Variants in CAST observed in about 807,000 individuals in gnomAD.
CAST encodes the protein MIR583 host.
CAST carries 76 observed loss-of-function variants against 119.6 expected under a neutral mutation model. The ratio of observed to expected loss-of-function variants is 0.64; its 90% CI spans 0.53 to 0.77. The LOEUF is 0.77. Ranked by LOEUF, CAST falls within the 30% of genes least tolerant of loss-of-function variation. CAST has a pLI of 0.00. For missense variants in CAST, 953 were observed against 946.5 expected, an observed-to-expected ratio of 1.01 and a Z score of -0.09; for synonymous variants, 319 against 331.6, an observed-to-expected ratio of 0.96 and a Z score of 0.41.
chr5:96,342,910 C>T, the CAST span, among the ~76,000 whole-genome samples: 1 of 151,986 alleles, frequency 6.6e-6, no homozygotes, highest in African/African-American at 2.4e-5. Context: ...GATTCCATTG[C>T]CATTTAAAAT....
intron 17 of CAST, among the ~76,000 whole-genome samples, chr5:96,747,125 TTAAAG>T (rs1763935299): frequency 2.0e-5 from 3 of 152,228 alleles, no homozygotes; most frequent in South Asian, 4.1e-4. Context: ...TTTTAATAAC[TTAAAG>T]TAAATGTGCA....
intron 1 of CAST, among the ~76,000 whole-genome samples, chr5:96,534,754 A>AGAG (rs1491280933): frequency 1.6e-5 from 1 of 61,602 alleles, no homozygotes; most frequent in Non-Finnish European, 3.6e-5. Context: ...AGAAAGAAAG[A>AGAG]AAGAAAGAAA....
the CAST span, among the ~76,000 whole-genome samples, chr5:96,115,732 G>A: frequency 3.5e-3 from 531 of 152,230 alleles, 2 homozygotes; most frequent in African/African-American, 4.5e-3. Context: ...CATTGTTACA[G>A]TTTTCTGGTG....
chr5:96,251,064 G>T, the CAST span, among the ~76,000 whole-genome samples: 2 of 152,146 alleles, frequency 1.3e-5, no homozygotes, highest in Non-Finnish European at 2.9e-5. Flanking sequence ...GCAAAGCTTT[G>T]TTCATCCAAC....
intron 1 of CAST, among the ~76,000 whole-genome samples, chr5:96,548,529 C>T (rs1170229458): frequency 6.6e-6 from 1 of 152,096 alleles, no homozygotes; most frequent in Non-Finnish European, 1.5e-5. Flanking sequence ...ACCCCCCGCC[C>T]CCCACCAACC....
upstream of CAST, among the ~76,000 whole-genome samples, chr5:96,521,126 CTG>C (rs889877862): frequency 6.6e-6 from 1 of 152,204 alleles, no homozygotes; most frequent in Non-Finnish European, 1.5e-5. Context: ...CTTCCATGGA[CTG>C]TGAGTTCCCT....
the CAST span, among the ~76,000 whole-genome samples, chr5:96,137,199 C>T: frequency 6.6e-5 from 10 of 152,150 alleles, no homozygotes; most frequent in Admixed American, 5.2e-4. Context: ...GCCCCCTAAC[C>T]ACTGATCTTT....
chr5:96,211,470 C>A, the CAST span, among the ~76,000 whole-genome samples: 1 of 152,014 alleles, frequency 6.6e-6, no homozygotes, highest in Non-Finnish European at 1.5e-5. Flanking sequence ...ACTAACCTTA[C>A]ATCCCTGAAA....
the CAST span, among the ~76,000 whole-genome samples, chr5:95,983,492 G>A: frequency 1.4e-3 from 208 of 152,186 alleles, 1 homozygote; most frequent in Admixed American, 2.9e-3. Flanking sequence ...TTTGGGTTAT[G>A]GGAATGTGGG....
At chr5:96,341,192 A>G in the CAST span, among the ~76,000 whole-genome samples, 2 of 152,120 alleles carry the variant, frequency 1.3e-5, no homozygotes, top group Non-Finnish European at 2.9e-5. Flanking sequence ...AGTAATGGAG[A>G]GTTGTGTCTT....
chr5:96,300,516 T>G, the CAST span, among the ~76,000 whole-genome samples: 1 of 152,296 alleles, frequency 6.6e-6, no homozygotes, highest in Admixed American at 6.5e-5. Flanking sequence ...GTAGTACAGT[T>G]TGAAATCAAG....
At chr5:96,642,882 T>C (rs1561437894) in intron 1 of CAST, among the ~76,000 whole-genome samples, 1 of 152,162 alleles carries the variant, frequency 6.6e-6, no homozygotes, top group Non-Finnish European at 1.5e-5. Context: ...TACTACAGAC[T>C]GTTTCAAAGG....
chr5:96,012,328 T>TC, the CAST span, among the ~76,000 whole-genome samples: 3 of 152,154 alleles, frequency 2.0e-5, no homozygotes, highest in African/African-American at 7.2e-5. Context: ...TTTTTTTTTT[T>TC]ACAATGGGTC....
chr5:96,093,137 A>G, the CAST span, among the ~76,000 whole-genome samples: 1 of 152,172 alleles, frequency 6.6e-6, no homozygotes, highest in African/African-American at 2.4e-5. Context: ...TTCTCAAATT[A>G]AAATAAAAAA....
At chr5:96,042,708 A>C in the CAST span, among the ~76,000 whole-genome samples, 43 of 152,288 alleles carry the variant, frequency 2.8e-4, no homozygotes, top group Non-Finnish European at 6.2e-4. Context: ...CTGTAATCTA[A>C]TAGGTGTGGA....
At chr5:96,695,434 C>A (rs969447013) in intron 2 of CAST, among the ~76,000 whole-genome samples, 5 of 152,070 alleles carry the variant, frequency 3.3e-5, no homozygotes, top group Non-Finnish European at 7.4e-5. Flanking sequence ...TTTCTCTTCT[C>A]TTATTTCCCT....
intron 3 of CAST, among the ~76,000 whole-genome samples, chr5:96,698,692 A>C (rs1158396099): frequency 6.6e-6 from 1 of 152,192 alleles, no homozygotes; most frequent in African/African-American, 2.4e-5. Flanking sequence ...GAAGCCTTTT[A>C]TTACACAGTT....
chr5:96,197,584 C>A, the CAST span, among the ~76,000 whole-genome samples: 1 of 152,150 alleles, frequency 6.6e-6, no homozygotes, highest in Non-Finnish European at 1.5e-5. Flanking sequence ...CGTATGTTGA[C>A]ATGACTGTTG....
At chr5:96,056,848 T>C in the CAST span, among the ~76,000 whole-genome samples, 3 of 152,164 alleles carry the variant, frequency 2.0e-5, no homozygotes, top group Non-Finnish European at 4.4e-5. Context: ...AGACTTGGTA[T>C]AATCTCTATC....
Sources: allele counts gnomAD v4.1 joint callset (sites outside exome capture counted in the v4.1 genomes callset), GRCh38; gene constraint gnomAD v4.1.1; transcripts MANE v1.5; gene names NCBI Gene and HGNC (gene_info 2026-07-23, HGNC 2026-07-21).